WASF1: variants seen among roughly 807,000 people sequenced by gnomAD.
WASF1 encodes WASP family member 1.
In WASF1, 7 loss-of-function variants were observed where a neutral mutation model predicts 50.5. The ratio of observed to expected loss-of-function variants is 0.14; its 90% CI spans 0.08 to 0.26. The LOEUF is 0.26. Among genes scored for constraint, WASF1 ranks in the 10% least tolerant of loss-of-function variants. WASF1 has a pLI of 1.00. For synonymous variants in WASF1, 205 were observed against 244.0 expected, an observed-to-expected ratio of 0.84 and a Z score of 1.49; for missense variants, 470 against 694.7, an observed-to-expected ratio of 0.68 and a Z score of 3.64.
At chr6:110,131,173 A>G (rs1774652135) in intron 3 of WASF1, among the ~76,000 whole-genome samples, 1 of 152,172 alleles carries the variant, frequency 6.6e-6, no homozygotes, top group Non-Finnish European at 1.5e-5. Flanking sequence ...TCCATGTGGT[A>G]GGGATATTCT....
intron 3 of WASF1, among the ~76,000 whole-genome samples, chr6:110,131,161 G>C (rs77190110): frequency 0.073 from 11,103 of 152,082 alleles, 548 homozygotes; most frequent in African/African-American, 0.14. Context: ...AAGTTTTTAC[G>C]CTCCATGTGG....
At chr6:110,161,350 T>C (rs2114602981) in intron 2 of WASF1, among the ~76,000 whole-genome samples, 1 of 151,712 alleles carries the variant, frequency 6.6e-6, no homozygotes, top group Non-Finnish European at 1.5e-5. Context: ...GTCTAAAGTT[T>C]CATTTAACTA....
At chr6:110,112,322 T>C (rs1188009035) in intron 5 of WASF1, among the ~76,000 whole-genome samples, 2 of 152,082 alleles carry the variant, frequency 1.3e-5, no homozygotes, top group Non-Finnish European at 2.9e-5. Flanking sequence ...AAGTGCAAAT[T>C]ATGTTCTTAG....
intron 2 of WASF1, among the ~76,000 whole-genome samples, chr6:110,161,890 T>A (rs1376108008): frequency 6.6e-6 from 1 of 151,494 alleles, no homozygotes; most frequent in Admixed American, 6.6e-5. Flanking sequence ...AGTATTCAAA[T>A]AATATGATTA....
chr6:110,139,311 G>A (rs1775114988), intron 3 of WASF1, among the ~76,000 whole-genome samples: 1 of 152,230 alleles, frequency 6.6e-6, no homozygotes, highest in Non-Finnish European at 1.5e-5. Flanking sequence ...TGGCTGGGTG[G>A]CTGCAGTTGT....
chr6:110,103,513 G>C lies in WASF1; in HGVS notation c.758C>G (p.Ser253Cys). Reference protein sequence around the residue: ...VDHMDGSYSLSALPFSQMSEL... With the variant: ...VDHMDGSYSLCALPFSQMSEL... The stretch of plus-strand genomic sequence containing the variant: ...ACTCATCTGACTAAATGGCAAGGCA[G>C]AAAGTGAGTAAGATCCATCCATATG... Residue 253 changes from serine (S) to cysteine (C), a missense_variant, in exon 9 of 11, where the codon TCT becomes TGT. This residue lies in a region of WASF1 where 294 missense variants were observed against 343.5 expected (regional missense o/e 0.86). Coordinates refer to ENST00000392589, the MANE Select transcript of WASF1 (RefSeq NM_003931.3). 6.2e-7 allele frequency: 1 copy of C among 1,613,942 alleles called. No individual in the cohort carries two copies. Among genetic ancestry groups the C allele is most frequent in the Non-Finnish European group, 8.5e-7 (1 of 1,179,856 alleles).
chr6:110,171,483 A>G (rs974911568), intron 2 of WASF1, among the ~76,000 whole-genome samples: 1 of 152,190 alleles, frequency 6.6e-6, no homozygotes, highest in African/African-American at 2.4e-5. Context: ...TCCGCAGTTT[A>G]TAACGGGGTT....
intron 4 of WASF1, among the ~76,000 whole-genome samples, chr6:110,124,052 T>C (rs1774255436): frequency 6.6e-6 from 1 of 151,796 alleles, no homozygotes; most frequent in Admixed American, 6.6e-5. Flanking sequence ...AGATGCTTTG[T>C]GCAGATAAGG....
chr6:110,136,561 T>C (rs1418692995), intron 3 of WASF1, among the ~76,000 whole-genome samples: 1 of 152,218 alleles, frequency 6.6e-6, no homozygotes, highest in African/African-American at 2.4e-5. Context: ...ACTATGTTAT[T>C]AGGTATATTT....
chr6:110,122,251 A>G (rs1202051942), intron 4 of WASF1, among the ~76,000 whole-genome samples: 1 of 150,468 alleles, frequency 6.6e-6, no homozygotes, highest in Non-Finnish European at 1.5e-5. Context: ...AAAAAAAAAA[A>G]AAGAAGACAT....
At chr6:110,127,813 C>G (rs1021437524) in intron 3 of WASF1, among the ~76,000 whole-genome samples, 184 bp from the exon 4 acceptor site, 1 of 152,142 alleles carries the variant, frequency 6.6e-6, no homozygotes, top group Admixed American at 6.6e-5. Flanking sequence ...ACAAACCCCT[C>G]CTCTTCCTCC....
At chr6:110,149,475 ACT>A (rs1279893642) in intron 3 of WASF1, among the ~76,000 whole-genome samples, 1 of 141,684 alleles carries the variant, frequency 7.1e-6, no homozygotes, top group African/African-American at 2.8e-5. Context: ...GAAGAGGAAG[ACT>A]CTGTCTTAAA....
At chr6:110,115,155 G>C (rs1460352147) in intron 4 of WASF1, among the ~76,000 whole-genome samples, 4 of 148,768 alleles carry the variant, frequency 2.7e-5, no homozygotes, top group African/African-American at 9.9e-5. Flanking sequence ...AAATTGAGTA[G>C]AAACAATATC....
rs774363736 is a variant in WASF1 at position 110,107,203 on chromosome 6, T to C, written c.423-9A>G. The C allele has an allele frequency of 1.2e-5, 18 of 1,531,498 alleles. No homozygotes were observed. The highest frequency in any genetic ancestry group is 1.5e-5 in the Non-Finnish European group (17 of 1,125,754). The allele number at this position is 1,531,498 out of a possible 1,614,324, so 94.9% of individuals were successfully genotyped here. ...CTTCTTTACCATCATCTCTGAAATA[T>C]AAAATATCAATTAAAACACACATTA... On this transcript the variant is annotated splice_polypyrimidine_tract_variant and intron_variant, in intron 6 of 10. Transcript: ENST00000392589.
chr6:110,134,582 G>A (rs191822760), intron 3 of WASF1, among the ~76,000 whole-genome samples: 5 of 151,976 alleles, frequency 3.3e-5, no homozygotes, highest in Non-Finnish European at 5.9e-5. Context: ...CCACCACCAC[G>A]CCTGGCTAAT....
intron 4 of WASF1, among the ~76,000 whole-genome samples, chr6:110,125,127 T>C (rs1774364666): frequency 6.6e-6 from 1 of 152,222 alleles, no homozygotes; most frequent in Non-Finnish European, 1.5e-5. Context: ...ATACATCAAT[T>C]GTTATTTTAA....
At chr6:110,176,504 C>CT (rs1776936127) in intron 2 of WASF1, among the ~76,000 whole-genome samples, 1 of 151,676 alleles carries the variant, frequency 6.6e-6, no homozygotes, top group African/African-American at 2.4e-5. Context: ...TTCAAAGAAC[C>CT]TTGAAATTCA....
intron 3 of WASF1, among the ~76,000 whole-genome samples, chr6:110,144,681 T>C (rs1276377164): frequency 6.6e-6 from 1 of 152,234 alleles, no homozygotes; most frequent in Non-Finnish European, 1.5e-5. Flanking sequence ...TTTCTACATA[T>C]GGCTAGCCAG....
chr6:110,112,981 T>C (rs1287050617), intron 5 of WASF1, among the ~76,000 whole-genome samples: 1 of 151,644 alleles, frequency 6.6e-6, no homozygotes, highest in African/African-American at 2.4e-5. Flanking sequence ...ATAATTTTTA[T>C]TTCTAAGACA....
Sources: allele counts gnomAD v4.1 joint callset (sites outside exome capture counted in the v4.1 genomes callset), GRCh38; gene constraint gnomAD v4.1.1; regional missense constraint gnomAD v4.1.1; transcripts MANE v1.5; gene names NCBI Gene and HGNC (gene_info 2026-07-23, HGNC 2026-07-21).